The following RGS6 variants were observed in gnomAD, a reference collection of about 807,000 sequenced individuals.
RGS6 encodes the protein regulator of G protein signaling 6, also known as regulator of G-protein signaling 6.
A neutral mutation model predicts 78.5 loss-of-function variants in RGS6; 30 were observed. The ratio of observed to expected loss-of-function variants is 0.38; its 90% CI spans 0.29 to 0.52. The LOEUF is 0.52. RGS6 is among the 20% of genes least tolerant of loss of function. The probability of loss-of-function intolerance (pLI) is 0.85; values close to 1 mark genes in which losing one functional copy is unlikely to be tolerated. For synonymous variants in RGS6, 206 were observed against 206.0 expected (o/e 1.00, Z 0.00); for missense variants, 495 against 609.7 (o/e 0.81, Z 1.98).
the RGS6 span, among the ~76,000 whole-genome samples, chr14:72,606,480 C>T: frequency 1.3e-4 from 20 of 152,200 alleles, no homozygotes; most frequent in South Asian, 6.2e-4. Context: ...ACTCCCACTA[C>T]TGCCGGGTGT....
At chr14:72,213,154 GAT>G (rs2044600530) in intron 2 of RGS6, among the ~76,000 whole-genome samples, 1 of 152,334 alleles carries the variant, frequency 6.6e-6, no homozygotes, top group African/African-American at 2.4e-5. Context: ...CTTGGGGAAA[GAT>G]AATCTTACCA....
chr14:71,984,548 C>A (rs1566961611), intron 2 of RGS6, among the ~76,000 whole-genome samples: 2 of 149,138 alleles, frequency 1.3e-5, no homozygotes, highest in South Asian at 2.1e-4. Flanking sequence ...GAAGAGAAAT[C>A]ATCTGAACTG....
the RGS6 span, among the ~76,000 whole-genome samples, chr14:72,616,704 T>A: frequency 6.6e-6 from 1 of 152,158 alleles, no homozygotes; most frequent in Non-Finnish European, 1.5e-5. Context: ...ACACAGCTAC[T>A]CCATGGCAGA....
At chr14:72,508,839 T>A (rs17116642) in intron 13 of RGS6, among the ~76,000 whole-genome samples, 40,829 of 152,014 alleles carry the variant, frequency 0.27, 6,591 homozygotes, top group East Asian at 0.57. Context: ...CTTCTTCTGG[T>A]TCACAGACCA....
chr14:71,983,902 T>A (rs1281480617), intron 2 of RGS6, among the ~76,000 whole-genome samples: 1 of 152,248 alleles, frequency 6.6e-6, no homozygotes. Flanking sequence ...TAGTGCTCTC[T>A]GCAAAGATCA....
the RGS6 span, among the ~76,000 whole-genome samples, chr14:72,618,584 C>T: frequency 6.6e-6 from 1 of 152,198 alleles, no homozygotes; most frequent in East Asian, 1.9e-4. Context: ...TACTGACTGG[C>T]TATGGCGGGG....
chr14:72,357,934 A>G (rs949441810), intron 3 of RGS6, among the ~76,000 whole-genome samples: 1 of 151,934 alleles, frequency 6.6e-6, no homozygotes, highest in Non-Finnish European at 1.5e-5. Flanking sequence ...AAAAATGTTT[A>G]TTTTTCCTCT....
chr14:71,921,866 G>T, the RGS6 span, among the ~76,000 whole-genome samples: 10 of 152,220 alleles, frequency 6.6e-5, no homozygotes, highest in Admixed American at 3.9e-4. Flanking sequence ...CCATGGGCTT[G>T]TATCAGGATA....
chr14:72,063,223 A>G (rs1466487212), intron 2 of RGS6, among the ~76,000 whole-genome samples: 1 of 152,214 alleles, frequency 6.6e-6, no homozygotes, highest in East Asian at 1.9e-4. Flanking sequence ...AGAGCTGAAG[A>G]GGAACCAGTA....
intron 2 of RGS6, among the ~76,000 whole-genome samples, chr14:72,018,286 A>G (rs1278251874): frequency 6.6e-6 from 1 of 152,174 alleles, no homozygotes; most frequent in East Asian, 1.9e-4. Context: ...CATTTTAAAC[A>G]TACGCAATTA....
At chr14:72,208,086 C>T (rs777146824) in intron 2 of RGS6, among the ~76,000 whole-genome samples, 1 of 152,164 alleles carries the variant, frequency 6.6e-6, no homozygotes, top group Non-Finnish European at 1.5e-5. Context: ...CTAAGGTAAT[C>T]AGTAAATCTC....
intron 2 of RGS6, among the ~76,000 whole-genome samples, chr14:72,257,645 A>G (rs918284983): frequency 1.3e-5 from 2 of 152,206 alleles, no homozygotes; most frequent in Non-Finnish European, 2.9e-5. Context: ...TGAATCTAAT[A>G]TAAAATAACA....
intron 3 of RGS6, among the ~76,000 whole-genome samples, chr14:72,364,949 A>G (rs1166819986): frequency 6.6e-6 from 1 of 152,172 alleles, no homozygotes; most frequent in African/African-American, 2.4e-5. Flanking sequence ...TCAGAGAATA[A>G]TGTTGATAAA....
chr14:72,293,536 T>C (rs1304814506), intron 2 of RGS6, among the ~76,000 whole-genome samples: 1 of 152,008 alleles, frequency 6.6e-6, no homozygotes, highest in Non-Finnish European at 1.5e-5. Flanking sequence ...CCCATCCATT[T>C]CTCTTAAATA....
chr14:72,341,804 CA>C (rs1281305331), intron 2 of RGS6, among the ~76,000 whole-genome samples: 6 of 152,124 alleles, frequency 3.9e-5, no homozygotes, highest in African/African-American at 1.2e-4. Context: ...GTTGCTAGTT[CA>C]GTTGTTTGGT....
chr14:72,358,730 A>T (rs941721386), intron 3 of RGS6, among the ~76,000 whole-genome samples: 1 of 152,172 alleles, frequency 6.6e-6, no homozygotes, highest in Non-Finnish European at 1.5e-5. Flanking sequence ...TTAGTCTCAG[A>T]TGAGATTTTG....
At chr14:72,377,647 T>C (rs2085092066) in intron 3 of RGS6, among the ~76,000 whole-genome samples, 1 of 152,160 alleles carries the variant, frequency 6.6e-6, no homozygotes, top group Non-Finnish European at 1.5e-5. Context: ...GACCGTATAT[T>C]AGGACACAAA....
intron 2 of RGS6, among the ~76,000 whole-genome samples, chr14:72,210,150 A>G (rs942899720): frequency 1.3e-5 from 2 of 152,220 alleles, no homozygotes; most frequent in Non-Finnish European, 2.9e-5. Context: ...ATTATCTAAT[A>G]AAGTGTTCAA....
chr14:71,995,606 T>C (rs1035405645), intron 2 of RGS6, among the ~76,000 whole-genome samples: 1 of 152,198 alleles, frequency 6.6e-6, no homozygotes, highest in Non-Finnish European at 1.5e-5. Flanking sequence ...GCTCGCCTCA[T>C]AGGGGTGTTG....
Sources: gnomAD v4.1 joint callset for allele counts (sites outside exome capture counted in the v4.1 genomes callset) on GRCh38, gnomAD v4.1.1 for gene constraint, MANE v1.5 for transcripts, NCBI Gene and HGNC (gene_info 2026-07-23, HGNC 2026-07-21) for gene names.